Variants in CA1 observed in about 807,000 individuals in gnomAD.
The protein encoded by CA1 is carbonate dehydratase I.
A neutral mutation model predicts 28.8 loss-of-function variants in CA1; 27 were observed. The ratio of observed to expected loss-of-function variants is 0.94; its 90% CI spans 0.69 to 1.29. The LOEUF (loss-of-function observed/expected upper bound fraction) is 1.29, where lower values mean the gene tolerates loss of function less well. Ranked by LOEUF, CA1 falls within the 50% of genes most tolerant of loss-of-function variation. The pLI is 0.00. For synonymous variants in CA1, 121 were observed against 108.8 expected (o/e 1.11, Z -0.70); for missense variants, 335 against 310.5 (o/e 1.08, Z -0.59).
Position 85,338,371 on chromosome 8 carries a change from G to A in CA1, c.116C>T (p.Thr39Ile). The A allele has an allele frequency of 6.2e-7, 1 of 1,613,838 alleles. No homozygotes were observed. The highest frequency in any genetic ancestry group is 8.5e-7 in the Non-Finnish European group (1 of 1,179,818). Residue 39 changes from threonine to isoleucine, a missense_variant, in exon 3 of 8, where the codon ACC becomes ATC. Transcript: ENST00000523022. ...AGGTTTCAGAGAGGTGTCATGTTTG[G>A]TTTCACTGGTTTTAATATCAACAGG... ...QSPVDIKTSE[T>I]KHDTSLKPIS...
chr8:85,364,940 T>C (rs1200815500), intron 1 of CA1, among the ~76,000 whole-genome samples: 1 of 152,200 alleles, frequency 6.6e-6, no homozygotes, highest in Admixed American at 6.5e-5. Flanking sequence ...GCTCAGCTTC[T>C]AGACGGTACT....
chr8:85,354,029 T>A (rs1809508889), intron 1 of CA1, among the ~76,000 whole-genome samples: 1 of 152,010 alleles, frequency 6.6e-6, no homozygotes, highest in Non-Finnish European at 1.5e-5. Context: ...GTGATGTGGA[T>A]CTCGGCTCAC....
chr8:85,333,731 A>G, intron 4 of CA1, 111 bp from the exon 5 acceptor site: 1 of 697,688 alleles, frequency 1.4e-6, no homozygotes, highest in Non-Finnish European at 2.6e-6. Flanking sequence ...AGATACATAA[A>G]ACTTATGTGA....
rs531329320 is a variant in CA1 at position 85,337,038 on chromosome 8, G to T, written c.261C>A (p.Asp87Glu). The change falls in exon 4 of 8, where the codon GAC (aspartate) becomes GAA (glutamate). Residue 87 changes from aspartate (D) to glutamate (E), a missense_variant. Asp to Glu is a conservative substitution (Grantham distance 45). Coordinates refer to ENST00000523022, the MANE Select transcript of CA1 (RefSeq NM_001128831.4). ...RSVLKGGPFS[D>E]SYRLFQFHFH... is the part of the protein sequence containing the mutation. The stretch of plus-strand genomic sequence containing the variant: ...AATGGAACTGAAAGAGCCTGTAGCT[G>T]TCAGAGAAAGGACCACCTTTCAGCA... 37 of 1,611,810 alleles carry T rather than the reference G, an allele frequency of 2.3e-5. 1 individual carries two copies. In the East Asian group the frequency reaches 8.3e-4, roughly 36 times the overall value.
intron 1 of CA1, among the ~76,000 whole-genome samples, chr8:85,358,324 T>C (rs1809675146): frequency 1.3e-5 from 2 of 152,276 alleles, no homozygotes; most frequent in Non-Finnish European, 2.9e-5. Flanking sequence ...TAAACTTCAT[T>C]TCACTCTCCA....
intron 2 of CA1, chr8:85,341,392 G>T (rs536959837): frequency 2.1e-6 from 1 of 467,146 alleles, no homozygotes; most frequent in Non-Finnish European, 3.8e-6. Flanking sequence ...AGGTATGCCT[G>T]TATATATATA....
At chr8:85,376,908 G>A (rs1159424300) in intron 1 of CA1, among the ~76,000 whole-genome samples, 1 of 151,928 alleles carries the variant, frequency 6.6e-6, no homozygotes, top group Non-Finnish European at 1.5e-5. Flanking sequence ...TTGATTCTCT[G>A]ATACAGTATC....
intron 7 of CA1, among the ~76,000 whole-genome samples, chr8:85,328,889 C>T (rs919591167): frequency 2.0e-5 from 3 of 151,600 alleles, no homozygotes; most frequent in African/African-American, 7.3e-5. Context: ...TTAATTAAAT[C>T]AATTAAATAA....
chr8:85,363,507 G>A (rs966235342), intron 1 of CA1, among the ~76,000 whole-genome samples: 1 of 152,122 alleles, frequency 6.6e-6, no homozygotes, highest in African/African-American at 2.4e-5. Flanking sequence ...TTCCCTTCCT[G>A]CCTCCAGTGT....
Position 85,332,539 on chromosome 8 carries a change from T to A in CA1, c.464A>T (p.Asn155Ile). ...ATCAAGTACTTTCTGCAGCTTTGGGTTGGCCTCACCAACCTGGAGATTTAA... is the reference window on the plus strand; with the variant it reads ...ATCAAGTACTTTCTGCAGCTTTGGGATGGCCTCACCAACCTGGAGATTTAA... Reference protein sequence around the residue: ...IGVLMKVGEANPKLQKVLDAL... With the variant: ...IGVLMKVGEAIPKLQKVLDAL... The change falls in exon 6 of 8, where the codon AAC (asparagine) becomes ATC (isoleucine). Residue 155 changes from asparagine to isoleucine, a missense_variant. By Grantham distance (149) the Asn-to-Ile change is moderately radical (BLOSUM62 -3). Coordinates refer to ENST00000523022, the MANE Select transcript of CA1 (RefSeq NM_001128831.4). 6.2e-7 allele frequency: 1 copy of A among 1,612,848 alleles called. No homozygotes were observed. The highest frequency in any genetic ancestry group is 8.5e-7 in the Non-Finnish European group (1 of 1,179,088).
intron 1 of CA1, among the ~76,000 whole-genome samples, chr8:85,368,319 C>A (rs1275645287): frequency 6.6e-6 from 1 of 151,856 alleles, no homozygotes; most frequent in Non-Finnish European, 1.5e-5. Flanking sequence ...AGGAGTGTGC[C>A]ACCATGCCCG....
chr8:85,342,704 G>A (rs1251791968), intron 1 of CA1: 3 of 152,194 alleles, frequency 2.0e-5, no homozygotes, highest in African/African-American at 7.2e-5. Context: ...CATGTTCAAA[G>A]CTCTAAACAT....
At chr8:85,377,427 T>C (rs1458971679) in intron 1 of CA1, among the ~76,000 whole-genome samples, 3 of 152,226 alleles carry the variant, frequency 2.0e-5, no homozygotes, top group Non-Finnish European at 4.4e-5. Flanking sequence ...TAAAGGAACT[T>C]AATTAACCAA....
chr8:85,357,044 G>C (rs1489498106), intron 1 of CA1, among the ~76,000 whole-genome samples: 2 of 152,126 alleles, frequency 1.3e-5, no homozygotes, highest in Non-Finnish European at 2.9e-5. Context: ...GTCTGGGGGA[G>C]TACCTTGTAA....
At chr8:85,354,176 T>C (rs1006963420) in intron 1 of CA1, among the ~76,000 whole-genome samples, 1 of 151,512 alleles carries the variant, frequency 6.6e-6, no homozygotes, top group Non-Finnish European at 1.5e-5. Flanking sequence ...GGTTTCACCA[T>C]GTTGGCCAGG....
Position 85,333,753 on chromosome 8 carries a change from G to A in CA1, c.355-133C>T, listed in dbSNP as rs192029602. 3,181 of 655,070 alleles carry A rather than the reference G, an allele frequency of 4.9e-3. 143 individuals carry two copies. In the Admixed American group the frequency reaches 0.062, roughly 13 times the overall value. 40.6% of individuals were successfully genotyped at this position (655,070 alleles called of 1,614,324 possible). A position where few individuals can be genotyped will look rare whatever the true frequency, so the allele number is the denominator to read the frequency against. ...TAAAACTTATGTGAACCTTTATCCA[G>A]TGGATTAGAAGAGTTACATTCTCAC... On this transcript the variant is annotated intron_variant, in intron 4 of 7. Coordinates refer to ENST00000523022, the MANE Select transcript of CA1 (RefSeq NM_001128831.4).
chr8:85,341,750 T>G, intron 1 of CA1, 91 bp from the exon 2 acceptor site: 1 of 743,840 alleles, frequency 1.3e-6, no homozygotes, highest in Non-Finnish European at 2.4e-6. Context: ...TTATAGAAAC[T>G]TACTTGCTTT....
At chr8:85,358,366 A>C (rs2725295) in intron 1 of CA1, among the ~76,000 whole-genome samples, 1 of 151,984 alleles carries the variant, frequency 6.6e-6, no homozygotes, top group Non-Finnish European at 1.5e-5. Context: ...CCATTATCCC[A>C]GTTTATTTTT....
chr8:85,370,541 A>G (rs1404747877), intron 1 of CA1, among the ~76,000 whole-genome samples: 1 of 152,158 alleles, frequency 6.6e-6, no homozygotes, highest in African/African-American at 2.4e-5. Flanking sequence ...GTAGTTAGAG[A>G]TTAAAACATT....
Sources: allele counts gnomAD v4.1 joint callset (sites outside exome capture counted in the v4.1 genomes callset), GRCh38; gene constraint gnomAD v4.1.1; transcripts MANE v1.5; gene names NCBI Gene and HGNC (gene_info 2026-07-23, HGNC 2026-07-21).